JAK1: variants seen among roughly 807,000 people sequenced by gnomAD.
JAK1 encodes the protein tyrosine-protein kinase JAK1.
JAK1 carries 16 observed loss-of-function variants against 136.6 expected under a neutral mutation model. The observed-to-expected ratio is 0.12, with a 90% confidence interval of 0.08 to 0.18. JAK1 has a LOEUF of 0.18. Ranked by LOEUF, JAK1 falls within the 10% of genes least tolerant of loss-of-function variation. JAK1 has a pLI of 1.00. For missense variants in JAK1, 859 were observed against 1,450.1 expected, an observed-to-expected ratio of 0.59 and a Z score of 6.62; for synonymous variants, 492 against 519.5, an observed-to-expected ratio of 0.95 and a Z score of 0.72.
intron 1 of JAK1, among the ~76,000 whole-genome samples, chr1:64,939,025 G>T (rs1027367126): frequency 6.6e-6 from 1 of 152,098 alleles, no homozygotes; most frequent in Admixed American, 6.5e-5. Context: ...GTCCAGGCTG[G>T]AGTGCAATGG....
chr1:64,887,813 GA>G (rs1644874801), intron 1 of JAK1, among the ~76,000 whole-genome samples: 1 of 152,150 alleles, frequency 6.6e-6, no homozygotes, highest in African/African-American at 2.4e-5. Context: ...CATGTGTGGG[GA>G]AAAAGGTCCT....
At chr1:64,847,025 CCTCT>C (rs1655279398) in intron 13 of JAK1, 1 of 503,756 alleles carries the variant, frequency 2.0e-6, no homozygotes, top group African/African-American at 1.9e-5. Flanking sequence ...CTCATGCCCA[CCTCT>C]CTCTCTTCCT....
At chr1:65,043,700 ATTTTTT>A (rs112982943) in intron 2 of JAK1, among the ~76,000 whole-genome samples, 8 of 101,268 alleles carry the variant, frequency 7.9e-5, no homozygotes, top group African/African-American at 2.8e-4. Context: ...CACCTGGCTA[ATTTTTT>A]TTTTTTTTTT....
At chr1:65,041,573 G>C (rs981744461) in intron 2 of JAK1, among the ~76,000 whole-genome samples, 1 of 152,122 alleles carries the variant, frequency 6.6e-6, no homozygotes, top group Non-Finnish European at 1.5e-5. Context: ...ACACAGAAGC[G>C]ATCATCTGAT....
At chr1:64,840,896 A>T (rs544197281) in intron 19 of JAK1, among the ~76,000 whole-genome samples, 1 of 151,938 alleles carries the variant, frequency 6.6e-6, no homozygotes, top group Admixed American at 6.5e-5. Flanking sequence ...AGAGGCAAGG[A>T]TTTTCCTATT....
At chr1:64,926,974 T>C (rs1645593881) in intron 1 of JAK1, among the ~76,000 whole-genome samples, 2 of 152,212 alleles carry the variant, frequency 1.3e-5, no homozygotes, top group South Asian at 2.1e-4. Flanking sequence ...CTTGCTACTG[T>C]TATCATCATC....
intron 2 of JAK1, among the ~76,000 whole-genome samples, chr1:64,997,722 C>T (rs995297024): frequency 3.3e-5 from 5 of 152,150 alleles, no homozygotes; most frequent in Middle Eastern, 3.4e-3. Context: ...GTGGGGCTGT[C>T]GGGGACTGTT....
intron 1 of JAK1, among the ~76,000 whole-genome samples, chr1:64,917,092 A>G (rs939487711): frequency 6.6e-6 from 1 of 152,180 alleles, no homozygotes; most frequent in African/African-American, 2.4e-5. Context: ...TGTTTGGGGC[A>G]TTCCTGGGAA....
intron 2 of JAK1, among the ~76,000 whole-genome samples, chr1:65,042,691 A>G (rs946344381): frequency 3.9e-5 from 6 of 152,224 alleles, no homozygotes; most frequent in Non-Finnish European, 7.3e-5. Context: ...CACTGACTCA[A>G]CGGGGACTTT....
upstream of JAK1, chr1:65,067,737 T>A (rs1451553836): frequency 7.0e-6 from 1 of 143,778 alleles, no homozygotes; most frequent in Non-Finnish European, 1.5e-5. Context: ...ATCTCTGCCA[T>A]GTGATAGATG....
chr1:64,995,072 G>T (rs1161591067), intron 2 of JAK1: 1 of 151,444 alleles, frequency 6.6e-6, no homozygotes, highest in Non-Finnish European at 1.5e-5. Context: ...GTTGATAAAT[G>T]TTCCATAATT....
Position 64,866,562 on chromosome 1 carries a change from G to A in JAK1, c.990+304C>T, listed in dbSNP as rs762705183. 9.2e-5 allele frequency among the ~76,000 whole-genome samples: 14 copies of A among 152,254 alleles called. 1 individual carries two copies. The South Asian group carries it at 1.2e-3, about 14-fold the overall frequency. On this transcript the variant is annotated intron_variant, in intron 7 of 24. Transcript: ENST00000342505. Reference sequence around the variant, plus strand: ...TTTTTTTATTTTTAGAAATAAATGAGTTAATACTTATAAAATACTTAGAAA... The same window carrying A: ...TTTTTTTATTTTTAGAAATAAATGAATTAATACTTATAAAATACTTAGAAA...
chr1:64,988,499 A>C (rs1431678138), intron 2 of JAK1, among the ~76,000 whole-genome samples: 1 of 152,116 alleles, frequency 6.6e-6, no homozygotes, highest in Non-Finnish European at 1.5e-5. Context: ...AACTCAAAAA[A>C]CAAGCAGAAT....
chr1:65,006,839 G>A (rs964394023), intron 2 of JAK1, among the ~76,000 whole-genome samples: 3 of 152,222 alleles, frequency 2.0e-5, no homozygotes, highest in African/African-American at 4.8e-5. Flanking sequence ...TTATTAAATA[G>A]TAATGCACTC....
At chr1:64,895,577 T>G (rs1287833372) in intron 1 of JAK1, among the ~76,000 whole-genome samples, 2 of 152,202 alleles carry the variant, frequency 1.3e-5, no homozygotes, top group Non-Finnish European at 1.5e-5. Flanking sequence ...CAAGATTACT[T>G]CTCTTTTCTC....
At chr1:64,846,152 G>C (rs375275010) in intron 14 of JAK1, among the ~76,000 whole-genome samples, 3 of 152,164 alleles carry the variant, frequency 2.0e-5, no homozygotes, top group African/African-American at 7.2e-5. Context: ...TACATGTCAG[G>C]AACTCAGAGG....
rs1369994429 is a variant in JAK1, at chr1:64,844,040, A to T, written c.2403+24T>A. 3.1e-6 allele frequency: 5 copies of T among 1,612,492 alleles called. No individual in the cohort carries two copies. The highest frequency in any genetic ancestry group is 2.2e-5 in the South Asian group (2 of 91,008). ...GCACCTGAAAGCCCTCACTTGCCTC[A>T]CGCCCCGGGAAACACCTGCTCACCT... On this transcript the variant is annotated intron_variant, in intron 17 of 24. Transcript: ENST00000342505. The surrounding 1 kb of genome is among the most constrained non-coding windows in gnomAD (Gnocchi z 5.7).
intron 11 of JAK1, among the ~76,000 whole-genome samples, chr1:64,852,260 TAAGTAATTGGCCC>T (rs1393432661): frequency 2.6e-5 from 4 of 152,270 alleles, no homozygotes; most frequent in Admixed American, 6.5e-5. Flanking sequence ...TCTGAGAGAT[TAAGTAATTGGCCC>T]AAGGCCAGGC....
rs145723524 is a variant in JAK1 at position 64,858,896 on chromosome 1, A to C, written c.1335-1117T>G. ...CAAGGAAGACTTCACGGATAAGGTG[A>C]TATCTGACTAGCACCTGAAGGAAGT... On this transcript the variant is annotated intron_variant, in intron 9 of 24. Transcript: ENST00000342505. 1.6e-3 allele frequency among the ~76,000 whole-genome samples: 250 copies of C among 152,350 alleles called. 1 individual carries two copies. The highest frequency in any genetic ancestry group is 2.7e-3 in the Non-Finnish European group (187 of 68,026).
Sources: allele counts gnomAD v4.1 joint callset (sites outside exome capture counted in the v4.1 genomes callset), GRCh38; gene constraint gnomAD v4.1.1; non-coding constraint Gnocchi (gnomAD v3.1); transcripts MANE v1.5; gene names NCBI Gene and HGNC (gene_info 2026-07-23, HGNC 2026-07-21).